RPTOR: variants seen among roughly 807,000 people sequenced by gnomAD.
RPTOR encodes regulatory-associated protein of mTOR.
Under a neutral mutation model 169.9 loss-of-function variants are expected in RPTOR, and 21 were observed. The observed-to-expected ratio is 0.12, with a 90% CI of 0.09 to 0.18. The LOEUF (loss-of-function observed/expected upper bound fraction) is 0.18. RPTOR is among the 10% of genes least tolerant of loss of function. The probability of loss-of-function intolerance (pLI) is 1.00; values close to 1 mark genes in which losing one functional copy is unlikely to be tolerated. For missense variants in RPTOR, 1,133 were observed against 1,855.9 expected, an observed-to-expected ratio of 0.61 and a Z score of 7.16; for synonymous variants, 732 against 753.2, an observed-to-expected ratio of 0.97 and a Z score of 0.46.
intron 1 of RPTOR, among the ~76,000 whole-genome samples, chr17:80,582,933 A>G (rs1599574118): frequency 7.1e-6 from 1 of 140,220 alleles, no homozygotes; most frequent in Non-Finnish European, 1.5e-5. Flanking sequence ...TTTTTTTGAG[A>G]CGGGGTCCCA....
intron 5 of RPTOR, among the ~76,000 whole-genome samples, chr17:80,740,636 G>A (rs1020186054): frequency 2.0e-5 from 3 of 151,836 alleles, no homozygotes; most frequent in Non-Finnish European, 2.9e-5. Flanking sequence ...ATTAATTAAT[G>A]TACTTCATAC....
At chr17:80,905,470 C>G (rs2068529276) in intron 20 of RPTOR, among the ~76,000 whole-genome samples, 1 of 151,654 alleles carries the variant, frequency 6.6e-6, no homozygotes, top group Non-Finnish European at 1.5e-5. Flanking sequence ...GTGGTGGGCA[C>G]CTGTAGTCCC....
At chr17:80,693,423 A>G (rs1204070656) in intron 3 of RPTOR, among the ~76,000 whole-genome samples, 1 of 152,260 alleles carries the variant, frequency 6.6e-6, no homozygotes, top group Non-Finnish European at 1.5e-5. Flanking sequence ...TCTGGAAGCA[A>G]TAGCTTTTCT....
chr17:80,809,314 G>A (rs1168004536), intron 7 of RPTOR, among the ~76,000 whole-genome samples: 1 of 152,144 alleles, frequency 6.6e-6, no homozygotes, highest in Non-Finnish European at 1.5e-5. Context: ...GCCTTAGCCT[G>A]TTGAGTAAGT....
At chr17:80,934,237 G>A (rs1262100762) in intron 24 of RPTOR, among the ~76,000 whole-genome samples, 1 of 148,872 alleles carries the variant, frequency 6.7e-6, no homozygotes, top group African/African-American at 2.5e-5. Flanking sequence ...ACTACTTTAT[G>A]TGCATAAACT....
At chr17:80,869,036 C>T (rs1478706002) in intron 13 of RPTOR, among the ~76,000 whole-genome samples, 2 of 152,140 alleles carry the variant, frequency 1.3e-5, no homozygotes, top group African/African-American at 4.8e-5. Context: ...AGACGTACGT[C>T]CAAAATCTTC....
chr17:80,702,863 G>A (rs911701513), intron 3 of RPTOR, among the ~76,000 whole-genome samples: 1 of 152,204 alleles, frequency 6.6e-6, no homozygotes, highest in Non-Finnish European at 1.5e-5. Context: ...TGATTTTCCT[G>A]TGGAGCTGTG....
In RPTOR at chr17:80,774,233, G is replaced by A. The variant is rs146741196; in HGVS notation, c.831-17217G>A. ...CCTTGAGTTCTCGGTTCTCGACAGC[G>A]CCCGTGTGATGATGATGCTCACGCT... On this transcript the variant is annotated intron_variant, in intron 6 of 33. Transcript: ENST00000306801. 582 of 985,422 alleles carry A rather than the reference G, an allele frequency of 5.9e-4. 3 individuals are homozygous for A. The African/African-American group carries it at 9.6e-3, about 16-fold the overall frequency. The allele number at this position is 985,422 out of a possible 1,614,324, so 61.0% of individuals were successfully genotyped here. A position where few individuals can be genotyped will look rare whatever the true frequency, so the allele number is the denominator to read the frequency against.
chr17:80,959,100 G>T lies in RPTOR; in HGVS notation c.3478-978G>T, dbSNP rs1414879308. On this transcript the variant is annotated intron_variant, in intron 29 of 33. Coordinates refer to ENST00000306801, the MANE Select transcript of RPTOR (RefSeq NM_020761.3). This position sits in a 1 kb window ranked among gnomAD's most constrained non-coding sequence, Gnocchi z 6.7. ...ACCCTCAGCTGCTCGAAGCTGCTGT[G>T]GTTGCTCTGGGCAGCAGCAGCCCGA... Among the ~76,000 whole-genome samples the T allele has an allele frequency of 6.6e-6, 1 of 152,256 alleles. No homozygotes were observed. The highest frequency in any genetic ancestry group is 1.5e-5 in the Non-Finnish European group (1 of 68,046).
chr17:80,769,355 T>A (rs1267185496), intron 6 of RPTOR, among the ~76,000 whole-genome samples: 1 of 152,236 alleles, frequency 6.6e-6, no homozygotes, highest in Non-Finnish European at 1.5e-5. Flanking sequence ...CAGAAGCCAT[T>A]TCAGTGCACT....
At chr17:80,921,682 G>T (rs1276869948) in intron 21 of RPTOR, among the ~76,000 whole-genome samples, 1 of 152,220 alleles carries the variant, frequency 6.6e-6, no homozygotes, top group Non-Finnish European at 1.5e-5. Context: ...GGTGTCTGTG[G>T]CAGGAGGCTC....
rs1388852383 is a variant in RPTOR, at chr17:80,962,476, G to A, written c.3708G>A (p.Val1236=). The A allele has an allele frequency of 6.8e-6, 11 of 1,613,874 alleles. No individual in the cohort carries two copies. The East Asian group carries it at 2.2e-4, about 33-fold the overall frequency. Residue 1236 remains valine (V), a synonymous_variant, in exon 32 of 34, where the codon GTG becomes GTA. Transcript: ENST00000306801. ...HIVSVSVNGD[V]RIFDPRMPES... ...CTCTTGGCAGCGTCAATGGAGATGTGCGCATCTTTGATCCCCGGATGCCTG... is the reference window on the plus strand; with the variant it reads ...CTCTTGGCAGCGTCAATGGAGATGTACGCATCTTTGATCCCCGGATGCCTG...
intron 17 of RPTOR, among the ~76,000 whole-genome samples, chr17:80,887,477 G>A (rs1771400250): frequency 2.0e-5 from 3 of 152,150 alleles, no homozygotes; most frequent in African/African-American, 7.2e-5. Context: ...TAACCACCAT[G>A]GGCAGGCACG....
Position 80,962,772 on chromosome 17 carries a change from C to T in RPTOR, c.3810-156C>T, listed in dbSNP as rs543026722. 5.9e-5 allele frequency among the ~76,000 whole-genome samples: 9 copies of T among 152,320 alleles called. No homozygotes were observed. The South Asian group carries it at 6.2e-4, about 11-fold the overall frequency. On this transcript the variant is annotated intron_variant, in intron 32 of 33. Transcript: ENST00000306801. ...TAAACTCTCAGGGCCCTGCCAGGCC[C>T]GAGTCCTCAGTGAGAGTGACCAGAG...
At chr17:80,789,331 C>T (rs1396222872) in intron 6 of RPTOR, among the ~76,000 whole-genome samples, 1 of 152,144 alleles carries the variant, frequency 6.6e-6, no homozygotes. Flanking sequence ...CGTTATAGGA[C>T]TAGGCTCTTT....
intron 1 of RPTOR, among the ~76,000 whole-genome samples, chr17:80,584,630 A>G (rs1031720622): frequency 8.5e-5 from 13 of 152,306 alleles, no homozygotes; most frequent in African/African-American, 3.1e-4. Context: ...TTTTTCCCAC[A>G]ACCTTTCCCC....
intron 3 of RPTOR, among the ~76,000 whole-genome samples, chr17:80,706,614 C>T (rs562015289): frequency 2.6e-5 from 4 of 152,316 alleles, no homozygotes; most frequent in Non-Finnish European, 4.4e-5. Context: ...GGTCTCCGTG[C>T]CCCCAGCCTC....
chr17:80,791,478 G>C lies in RPTOR; in HGVS notation c.859G>C (p.Val287Leu), dbSNP rs370420966. Residue 287 changes from valine to leucine, a missense_variant, in exon 7 of 34, where the codon GTG becomes CTG. Transcript: ENST00000306801. ...WFCMQKCVSL[V>L]PGVTLDLIEK... ...TTGCATGCAGAAATGTGTCAGTCTG[G>C]TGCCTGGCGTCACACTGGATTTGAT... is the stretch of plus-strand genomic sequence containing the variant. The C allele has an allele frequency of 1.3e-5, 21 of 1,613,702 alleles. No individual in the cohort carries two copies. Among genetic ancestry groups the C allele is most frequent in the Non-Finnish European group, 1.8e-5 (21 of 1,179,976 alleles).
At chr17:80,769,490 T>C (rs2066820506) in intron 6 of RPTOR, among the ~76,000 whole-genome samples, 1 of 152,158 alleles carries the variant, frequency 6.6e-6, no homozygotes, top group Admixed American at 6.5e-5. Context: ...TCCCATCCTG[T>C]CCCAGGTAGC....
Sources: allele counts gnomAD v4.1 joint callset (sites outside exome capture counted in the v4.1 genomes callset), GRCh38; gene constraint gnomAD v4.1.1; non-coding constraint Gnocchi (gnomAD v3.1); transcripts MANE v1.5; gene names NCBI Gene and HGNC (gene_info 2026-07-23, HGNC 2026-07-21).